The following ATP10B variants were observed in gnomAD, a reference collection of about 807,000 sequenced individuals.
The protein encoded by ATP10B is ATPase phospholipid transporting 10B (putative).
ATP10B carries 122 observed loss-of-function variants against 141.2 expected under a neutral mutation model. That is an observed-to-expected ratio of 0.86 (90% CI 0.75 to 1.00). ATP10B has a LOEUF of 1.00. ATP10B is among the 50% of genes least tolerant of loss of function. The pLI, the probability that ATP10B is intolerant of heterozygous loss-of-function variation, is 0.00. For missense variants in ATP10B, 1,876 were observed against 1,825.3 expected (o/e 1.03, Z -0.51); for synonymous variants, 685 against 692.0 (o/e 0.99, Z 0.16).
At position 160,632,136 on chromosome 5, in the gene ATP10B, C is replaced by CT; in HGVS notation, c.1612dup (p.Ser538LysfsTer11). ...GCAAAAGTCAGGACTTACTATGGAG[C>CT]TGCTGAAGGCCACAGGAGGCTGTGA... On this transcript the variant is annotated frameshift_variant, in exon 13 of 26. Transcript: ENST00000327245. LOFTEE classifies it high-confidence loss of function. 1 of 1,611,646 alleles carries CT rather than the reference C, an allele frequency of 6.2e-7. No homozygotes were observed. The highest frequency in any genetic ancestry group is 2.2e-5 in the East Asian group (1 of 44,832).
At chr5:160,893,206 C>G in the ATP10B span, among the ~76,000 whole-genome samples, 1 of 152,116 alleles carries the variant, frequency 6.6e-6, no homozygotes, top group African/African-American at 2.4e-5. Flanking sequence ...GAACCATTCA[C>G]TCCCCTGAAA....
intron 3 of ATP10B, among the ~76,000 whole-genome samples, chr5:160,709,081 A>G (rs1056291276): frequency 1.3e-5 from 2 of 152,212 alleles, no homozygotes; most frequent in East Asian, 3.8e-4. Context: ...TACCAATGAC[A>G]ACAAAAACTT....
At chr5:160,802,266 G>T (rs2127932828) in intron 1 of ATP10B, among the ~76,000 whole-genome samples, 1 of 152,288 alleles carries the variant, frequency 6.6e-6, no homozygotes, top group South Asian at 2.1e-4. Flanking sequence ...GATGGGCTAA[G>T]GGCTTCCTGA....
intron 1 of ATP10B, among the ~76,000 whole-genome samples, chr5:160,833,087 C>A (rs985553782): frequency 2.0e-5 from 3 of 152,136 alleles, no homozygotes; most frequent in African/African-American, 7.2e-5. Context: ...AAGCATCAGT[C>A]TACTGAAGGC....
intron 1 of ATP10B, among the ~76,000 whole-genome samples, chr5:160,829,575 T>C (rs1208500442): frequency 6.6e-6 from 1 of 152,132 alleles, no homozygotes; most frequent in Admixed American, 6.6e-5. Flanking sequence ...ATTAATGATA[T>C]CAGTTCTTCC....
intron 3 of ATP10B, among the ~76,000 whole-genome samples, chr5:160,693,748 T>C (rs1764212870): frequency 6.6e-6 from 1 of 152,190 alleles, no homozygotes; most frequent in South Asian, 2.1e-4. Flanking sequence ...TAGATTCTCA[T>C]AAGGAGGGCG....
chr5:160,895,481 T>C, the ATP10B span, among the ~76,000 whole-genome samples: 1 of 152,156 alleles, frequency 6.6e-6, no homozygotes, highest in African/African-American at 2.4e-5. Flanking sequence ...AAGGGATCAA[T>C]GCAACAAGAA....
At chr5:160,885,267 G>T in the ATP10B span, among the ~76,000 whole-genome samples, 1 of 152,078 alleles carries the variant, frequency 6.6e-6, no homozygotes, top group Non-Finnish European at 1.5e-5. Context: ...TTTTAATAAG[G>T]GAAGCGGATG....
intron 2 of ATP10B, among the ~76,000 whole-genome samples, chr5:160,750,873 C>G (rs1360576851): frequency 6.6e-6 from 1 of 152,218 alleles, no homozygotes. Context: ...CTCAGGGCCT[C>G]TGCATGGTTC....
intron 11 of ATP10B, among the ~76,000 whole-genome samples, chr5:160,635,629 C>G (rs1414185703): frequency 1.3e-5 from 2 of 152,188 alleles, no homozygotes; most frequent in African/African-American, 4.8e-5. Context: ...CTTCCCTCAT[C>G]TTTTCATTGA....
intron 7 of ATP10B, among the ~76,000 whole-genome samples, chr5:160,665,770 G>A (rs1418099659): frequency 1.3e-5 from 2 of 152,256 alleles, no homozygotes; most frequent in East Asian, 3.9e-4. Flanking sequence ...CCAGAAGATG[G>A]TAAAAATGAG....
At chr5:160,922,809 G>C in the ATP10B span, among the ~76,000 whole-genome samples, 3 of 152,168 alleles carry the variant, frequency 2.0e-5, no homozygotes, top group Non-Finnish European at 2.9e-5. Flanking sequence ...GAAGATCCTT[G>C]CACTCTCGGG....
chr5:160,838,901 T>C (rs1454102868), intron 1 of ATP10B, among the ~76,000 whole-genome samples: 2 of 152,126 alleles, frequency 1.3e-5, no homozygotes, highest in East Asian at 1.9e-4. Context: ...TTGGTGATAA[T>C]TGAGTTCTCA....
chr5:160,658,575 T>C (rs892974726), intron 7 of ATP10B, among the ~76,000 whole-genome samples: 1 of 152,198 alleles, frequency 6.6e-6, no homozygotes, highest in African/African-American at 2.4e-5. Context: ...GAGTCCTTTG[T>C]TTCTGGCCAG....
At chr5:160,866,334 T>C in the ATP10B span, among the ~76,000 whole-genome samples, 1 of 152,132 alleles carries the variant, frequency 6.6e-6, no homozygotes, top group Admixed American at 6.6e-5. Context: ...TTGTATGTTC[T>C]CACTTATAAA....
intron 2 of ATP10B, among the ~76,000 whole-genome samples, chr5:160,718,219 A>G (rs977505853): frequency 2.0e-5 from 3 of 152,130 alleles, no homozygotes; most frequent in African/African-American, 7.2e-5. Flanking sequence ...TTCTTTCCCA[A>G]ATCTAAACTA....
At chr5:160,827,055 G>C (rs1268650811) in intron 1 of ATP10B, among the ~76,000 whole-genome samples, 1 of 151,996 alleles carries the variant, frequency 6.6e-6, no homozygotes, top group Admixed American at 6.6e-5. Context: ...GCCATTTGAA[G>C]CATGTGATCT....
intron 2 of ATP10B, among the ~76,000 whole-genome samples, chr5:160,725,258 C>T (rs971754994): frequency 4.6e-5 from 7 of 152,120 alleles, no homozygotes; most frequent in African/African-American, 1.7e-4. Context: ...CCTGAACATA[C>T]GGAAAGCAAA....
At chr5:160,824,083 G>C (rs1161627940) in intron 1 of ATP10B, among the ~76,000 whole-genome samples, 1 of 151,842 alleles carries the variant, frequency 6.6e-6, no homozygotes, top group Non-Finnish European at 1.5e-5. Flanking sequence ...GAACAGTGAC[G>C]TGATCTCGGC....
Sources: allele counts gnomAD v4.1 joint callset (sites outside exome capture counted in the v4.1 genomes callset), GRCh38; gene constraint gnomAD v4.1.1; transcripts MANE v1.5; gene names NCBI Gene and HGNC (gene_info 2026-07-23, HGNC 2026-07-21).